The following JARID2 variants were observed in gnomAD, a reference collection of about 807,000 sequenced individuals.
JARID2 encodes the protein jumonji and AT-rich interaction domain containing 2.
In JARID2, 21 loss-of-function variants were observed where a neutral mutation model predicts 125.6. That is an observed-to-expected ratio of 0.17 (90% confidence interval 0.12 to 0.24). The LOEUF (loss-of-function observed/expected upper bound fraction) is 0.24. JARID2 is among the 10% of genes least tolerant of loss of function. The pLI is 1.00. For synonymous variants in JARID2, 736 were observed against 661.6 expected, an observed-to-expected ratio of 1.11 and a Z score of -1.73; for missense variants, 1,303 against 1,639.6, an observed-to-expected ratio of 0.79 and a Z score of 3.55.
At chr6:15,380,387 T>G (rs568540497) in intron 2 of JARID2, among the ~76,000 whole-genome samples, 1 of 152,294 alleles carries the variant, frequency 6.6e-6, no homozygotes, top group African/African-American at 2.4e-5. Context: ...GCATGGTAAG[T>G]ATTTATTGAC....
chr6:15,329,870 T>G (rs1443283459), intron 1 of JARID2, among the ~76,000 whole-genome samples: 1 of 152,244 alleles, frequency 6.6e-6, no homozygotes, highest in Non-Finnish European at 1.5e-5. Flanking sequence ...TTTGTTGTTT[T>G]GTAGTCCTGA....
intron 7 of JARID2, among the ~76,000 whole-genome samples, chr6:15,500,105 G>A (rs897554354): frequency 1.3e-5 from 2 of 152,098 alleles, no homozygotes; most frequent in African/African-American, 2.4e-5. Context: ...TATTTGGCCC[G>A]AGGGAGGTTG....
intron 3 of JARID2, among the ~76,000 whole-genome samples, chr6:15,451,622 G>A (rs952508168): frequency 6.6e-6 from 1 of 152,194 alleles, no homozygotes; most frequent in African/African-American, 2.4e-5. Flanking sequence ...AATACAGCAG[G>A]ATAATGTAGT....
chr6:15,422,523 C>G (rs1766542868), intron 3 of JARID2, among the ~76,000 whole-genome samples: 3 of 152,146 alleles, frequency 2.0e-5, no homozygotes, highest in South Asian at 2.1e-4. Flanking sequence ...TGCTCTGTTT[C>G]CTGGAGGCTG....
chr6:15,356,351 T>A (rs1171293541), intron 1 of JARID2, among the ~76,000 whole-genome samples: 3 of 152,238 alleles, frequency 2.0e-5, no homozygotes, highest in Admixed American at 1.3e-4. Flanking sequence ...ACACTTGGCC[T>A]AAGTAGCTTT....
intron 1 of JARID2, among the ~76,000 whole-genome samples, chr6:15,302,275 G>A (rs1356815659): frequency 6.6e-6 from 1 of 152,128 alleles, no homozygotes; most frequent in Non-Finnish European, 1.5e-5. Flanking sequence ...AATTAGTTGG[G>A]CGTGGTGGCG....
At chr6:15,415,687 C>CG (rs1265926991) in intron 3 of JARID2, among the ~76,000 whole-genome samples, 1 of 142,814 alleles carries the variant, frequency 7.0e-6, no homozygotes, top group Non-Finnish European at 1.5e-5. Flanking sequence ...GCTGGCCGGG[C>CG]GGGGGGCTGA....
intron 1 of JARID2, among the ~76,000 whole-genome samples, chr6:15,365,219 C>A (rs185117666): frequency 7.9e-5 from 12 of 152,280 alleles, no homozygotes; most frequent in Non-Finnish European, 1.6e-4. Flanking sequence ...AATTTGATTT[C>A]CTCGCCACCA....
intron 3 of JARID2, among the ~76,000 whole-genome samples, chr6:15,415,161 CAGA>C (rs1487191745): frequency 2.6e-5 from 4 of 152,246 alleles, no homozygotes; most frequent in African/African-American, 7.2e-5. Context: ...GATCACGAGG[CAGA>C]AGAATTTTTC....
At chr6:15,342,642 TGGG>T (rs964768785) in intron 1 of JARID2, among the ~76,000 whole-genome samples, 26 of 152,266 alleles carry the variant, frequency 1.7e-4, no homozygotes, top group African/African-American at 6.0e-4. Flanking sequence ...ACATTTTTAA[TGGG>T]GGGTATTCTA....
intron 1 of JARID2, among the ~76,000 whole-genome samples, chr6:15,291,533 T>C (rs970653043): frequency 1.3e-5 from 2 of 152,164 alleles, no homozygotes; most frequent in Admixed American, 1.3e-4. Context: ...GTTTCTTGGA[T>C]GAGAGGAGGA....
In JARID2 at chr6:15,496,555, C is replaced by A. The variant is rs950780267; in HGVS notation, c.1330C>A (p.Leu444Met). 1.2e-6 allele frequency: 2 copies of A among 1,606,796 alleles called. No homozygotes were observed. Among genetic ancestry groups the A allele is most frequent in the Non-Finnish European group, 1.7e-6 (2 of 1,177,796 alleles). The change falls in exon 7 of 18, where the codon CTG becomes ATG. Residue 444 changes from leucine to methionine, a missense_variant. Physicochemically the swap from Leu to Met is conservative, Grantham distance 15 (BLOSUM62 2). Transcript: ENST00000341776. ...REGLRNSKRR[L>M]EEAHQAEKPQ... is the part of the protein sequence containing the mutation. ...GGGGCTGCGGAACTCCAAGAGGAGA[C>A]TGGAAGAGGCACACCAGGCGGAGAA...
intron 3 of JARID2, among the ~76,000 whole-genome samples, chr6:15,448,098 C>T (rs1366189584): frequency 6.6e-6 from 1 of 152,176 alleles, no homozygotes. Context: ...AATACAGGTT[C>T]TTCTGGCCTC....
At chr6:15,479,137 G>C (rs1769491600) in intron 5 of JARID2, among the ~76,000 whole-genome samples, 1 of 152,156 alleles carries the variant, frequency 6.6e-6, no homozygotes, top group Non-Finnish European at 1.5e-5. Context: ...GCCCCGTAAG[G>C]CCATTTGTCC....
intron 1 of JARID2, among the ~76,000 whole-genome samples, chr6:15,372,092 ATGT>A (rs1473096806): frequency 3.6e-4 from 55 of 152,334 alleles, no homozygotes; most frequent in African/African-American, 1.3e-3. Context: ...AGTCTCTATG[ATGT>A]TGGATTTCTA....
At chr6:15,267,402 C>G (rs566423057) in intron 1 of JARID2, among the ~76,000 whole-genome samples, 59 of 152,304 alleles carry the variant, frequency 3.9e-4, no homozygotes, top group Non-Finnish European at 7.8e-4. Context: ...ATCCTGAAGC[C>G]TAACCAACTG....
At position 15,410,321 on chromosome 6, in the gene JARID2, C is replaced by T; in HGVS notation, c.279C>T (p.Asn93=). The T allele has an allele frequency of 1.2e-6, 2 of 1,614,066 alleles. No homozygotes were observed. The highest frequency in any genetic ancestry group is 1.7e-6 in the Non-Finnish European group (2 of 1,179,990). ...DDASQVSSTS[N]DVSSSDFEEG... ...CATCCCAAGTGTCCTCCACTAGCAA[C>T]GATGTTAGTTCTTCAGATTTTGAAG... Residue 93 remains asparagine (N), a synonymous_variant, in exon 3 of 18, where the codon AAC becomes AAT. Transcript: ENST00000341776.
At chr6:15,327,518 A>G (rs890843863) in intron 1 of JARID2, among the ~76,000 whole-genome samples, 2 of 138,346 alleles carry the variant, frequency 1.4e-5, no homozygotes, top group African/African-American at 5.4e-5. Context: ...CATCCCTTCC[A>G]TTCTGGAAGA....
chr6:15,329,040 A>T (rs1372760036), intron 1 of JARID2, among the ~76,000 whole-genome samples: 2 of 152,184 alleles, frequency 1.3e-5, no homozygotes, highest in Non-Finnish European at 2.9e-5. Flanking sequence ...TTGGGGCCAC[A>T]TGAGCATCTG....
Sources: gnomAD v4.1 joint callset for allele counts (sites outside exome capture counted in the v4.1 genomes callset) on GRCh38, gnomAD v4.1.1 for gene constraint, MANE v1.5 for transcripts, NCBI Gene and HGNC (gene_info 2026-07-23, HGNC 2026-07-21) for gene names.